The following CELSR1 variants were observed in gnomAD, a reference collection of about 807,000 sequenced individuals.
CELSR1 encodes adhesion G protein-coupled receptor C1.
CELSR1 carries 110 observed loss-of-function variants against 249.1 expected under a neutral mutation model. The observed-to-expected ratio is 0.44, with a 90% CI of 0.38 to 0.52. CELSR1 has a LOEUF of 0.52. Among genes scored for constraint, CELSR1 ranks in the 20% least tolerant of loss-of-function variants. The pLI is 0.00. For missense variants in CELSR1, 4,109 were observed against 4,296.4 expected (o/e 0.96, Z 1.22); for synonymous variants, 2,113 against 1,900.0 (o/e 1.11, Z -2.92).
rs140406516 is a variant in CELSR1, at chr22:46,505,418, G to C, written c.3544+28209C>G. On this transcript the variant is annotated intron_variant, in intron 1 of 34. Coordinates refer to ENST00000674500, the MANE Select transcript of CELSR1 (RefSeq NM_001378328.1). The stretch of plus-strand genomic sequence containing the variant: ...GAAGGCTGAGGTGGGAAAATTGTTT[G>C]AGCCCAGGAGTTTGAAACCAGCCTG... Among the ~76,000 whole-genome samples, 632 of 152,136 alleles carry C rather than the reference G, an allele frequency of 4.2e-3. 7 individuals carry two copies. Among genetic ancestry groups the C allele is most frequent in the African/African-American group, 0.015 (606 of 41,494 alleles).
Position 46,374,662 on chromosome 22 carries a change from A to C in CELSR1, c.7585-1605T>G, listed in dbSNP as rs1353796515. On this transcript the variant is annotated intron_variant, in intron 24 of 34. Transcript: ENST00000674500. The surrounding 1 kb of genome is among the most constrained non-coding windows in gnomAD (Gnocchi z 4.3). ...CCGCCTCAGTTTCGCTGGGGTGTTG[A>C]GTTGCAGGGAGTGGCCTGCACCGAC... Among the ~76,000 whole-genome samples the C allele has an allele frequency of 6.6e-6, 1 of 152,140 alleles. No individual in the cohort carries two copies. Among genetic ancestry groups the C allele is most frequent in the East Asian group, 1.9e-4 (1 of 5,180 alleles).
At chr22:46,439,788 G>A (rs191115720) in intron 2 of CELSR1, among the ~76,000 whole-genome samples, 1 of 152,172 alleles carries the variant, frequency 6.6e-6, no homozygotes, top group Non-Finnish European at 1.5e-5. Flanking sequence ...ACAGACCAGA[G>A]CACCTCAGGC....
chr22:46,451,858 C>T (rs1211243850), intron 2 of CELSR1, among the ~76,000 whole-genome samples: 1 of 152,162 alleles, frequency 6.6e-6, no homozygotes, highest in Non-Finnish European at 1.5e-5. Flanking sequence ...TGAGGCAATC[C>T]GATTAGCAGG....
intron 1 of CELSR1, among the ~76,000 whole-genome samples, chr22:46,532,861 C>A (rs1349048251): frequency 6.6e-6 from 1 of 152,128 alleles, no homozygotes; most frequent in East Asian, 1.9e-4. Flanking sequence ...CACACAGGGT[C>A]AGAGGCATAG....
chr22:46,529,634 C>G (rs2080772456), intron 1 of CELSR1, among the ~76,000 whole-genome samples: 1 of 151,914 alleles, frequency 6.6e-6, no homozygotes, highest in African/African-American at 2.4e-5. Context: ...GAAACCTTGT[C>G]TCTAAGAAAC....
chr22:46,375,468 C>T (rs375332746), intron 24 of CELSR1, among the ~76,000 whole-genome samples: 1 of 152,118 alleles, frequency 6.6e-6, no homozygotes, highest in Admixed American at 6.5e-5. Flanking sequence ...TGGGTCTCCA[C>T]CCCACCTCCC....
At position 46,363,268 on chromosome 22, in the gene CELSR1, G is replaced by A; in HGVS notation, c.9036-21C>T. The A allele has an allele frequency of 6.2e-7, 1 of 1,605,330 alleles. No homozygotes were observed. The highest frequency in any genetic ancestry group is 8.5e-7 in the Non-Finnish European group (1 of 1,173,156). On this transcript the variant is annotated intron_variant, in intron 34 of 34. Coordinates refer to ENST00000674500, the MANE Select transcript of CELSR1 (RefSeq NM_001378328.1). This position sits in a 1 kb window ranked among gnomAD's most constrained non-coding sequence, Gnocchi z 4.3. ...TGCCTCTGCGCGTGGGAAGAAGCCA[G>A]CAAGCAGGTGAAGGGTCAGTGAGGG... is the stretch of plus-strand genomic sequence containing the variant.
rs929843202 is a variant in CELSR1, at chr22:46,412,267, G to C, written c.4612-508C>G. 6.6e-6 allele frequency among the ~76,000 whole-genome samples: 1 copy of C among 152,202 alleles called. No individual in the cohort carries two copies. Among genetic ancestry groups the C allele is most frequent in the African/African-American group, 2.4e-5 (1 of 41,450 alleles). On this transcript the variant is annotated intron_variant, in intron 5 of 34. Transcript: ENST00000674500. The surrounding 1 kb of genome is among the most constrained non-coding windows in gnomAD (Gnocchi z 4.5). The stretch of plus-strand genomic sequence containing the variant: ...CCTTGACTTCTAGGCACCAGACTGA[G>C]AGAGAATCATGTCTGTTGTTTGAGC...
rs1007789923 is a variant in CELSR1 at position 46,362,519 on chromosome 22, C to A, written c.*704G>T. On this transcript the variant is annotated 3_prime_UTR_variant, in exon 35 of 35. Coordinates refer to ENST00000674500, the MANE Select transcript of CELSR1 (RefSeq NM_001378328.1). ...CGCTTGGTTTTAGCCCCACTGCTGACGTATTTCCCACCTTTGATCTGCTGG... is the reference window on the plus strand; with the variant it reads ...CGCTTGGTTTTAGCCCCACTGCTGAAGTATTTCCCACCTTTGATCTGCTGG... 6.6e-6 allele frequency: 1 copy of A among 152,560 alleles called. No individual in the cohort carries two copies. Among genetic ancestry groups the A allele is most frequent in the African/African-American group, 2.4e-5 (1 of 41,466 alleles). 9.5% of individuals were successfully genotyped at this position (152,560 alleles called of 1,614,324 possible).
rs751118400 is a variant in CELSR1, at chr22:46,409,394, C to A, written c.5060-232G>T. Among the ~76,000 whole-genome samples, 21 of 152,186 alleles carry A rather than the reference C, an allele frequency of 1.4e-4. No homozygotes were observed. Among genetic ancestry groups the A allele is most frequent in the Admixed American group, 7.2e-4 (11 of 15,282 alleles). ...CCTCCTTGCTGGGAAGCATGAAGAT[C>A]TGCAGGCTCCCAGCCACAGATGGGC... On this transcript the variant is annotated intron_variant, in intron 8 of 34. Coordinates refer to ENST00000674500, the MANE Select transcript of CELSR1 (RefSeq NM_001378328.1). This position sits in a 1 kb window ranked among gnomAD's most constrained non-coding sequence, Gnocchi z 9.8.
Position 46,473,567 on chromosome 22 carries a change from A to C in CELSR1, c.3545-9222T>G, listed in dbSNP as rs2080177401. ...GGGCTCCTCCACTCTCCCGTCACCA[A>C]CGCCCCTCGAGGCCTGGTTAGGGCA... is the stretch of plus-strand genomic sequence containing the variant. On this transcript the variant is annotated intron_variant, in intron 1 of 34. Coordinates refer to ENST00000674500, the MANE Select transcript of CELSR1 (RefSeq NM_001378328.1). This position sits in a 1 kb window ranked among gnomAD's most constrained non-coding sequence, Gnocchi z 6.6. 6.6e-6 allele frequency among the ~76,000 whole-genome samples: 1 copy of C among 152,106 alleles called. No homozygotes were observed. Among genetic ancestry groups the C allele is most frequent in the South Asian group, 2.1e-4 (1 of 4,826 alleles).
chr22:46,391,865 C>T lies in CELSR1; in HGVS notation c.5965-49G>A. ...TGTGACTTCAGATGCCCGGGAGAGG[C>T]CCTACCTTGCAGCGTGTTTCCCGAG... On this transcript the variant is annotated intron_variant, in intron 14 of 34. Transcript: ENST00000674500. The surrounding 1 kb of genome is among the most constrained non-coding windows in gnomAD (Gnocchi z 4.3). The T allele has an allele frequency of 1.3e-6, 2 of 1,564,518 alleles. No homozygotes were observed. Among genetic ancestry groups the T allele is most frequent in the East Asian group, 2.3e-5 (1 of 43,758 alleles).
At position 46,534,101 on chromosome 22, in the gene CELSR1, T is replaced by C. The variant is rs778497173; in HGVS notation, c.3070A>G (p.Asn1024Asp). ...VGSVVAKIRA[N>D]DPDEGPNAQI... ...GCATTAGGGCCTTCATCAGGGTCGTTAGCACGAATCTTTGCCACCACCGAC... is the reference window on the plus strand; with the variant it reads ...GCATTAGGGCCTTCATCAGGGTCGTCAGCACGAATCTTTGCCACCACCGAC... Residue 1024 changes from asparagine (N) to aspartate (D), a missense_variant, in exon 1 of 35, where the codon AAC becomes GAC. By Grantham distance (23) the Asn-to-Asp change is conservative. Transcript: ENST00000674500. This position sits in a 1 kb window ranked among gnomAD's most constrained non-coding sequence, Gnocchi z 9.7. 5 of 1,613,764 alleles carry C rather than the reference T, an allele frequency of 3.1e-6. No individual in the cohort carries two copies. Among genetic ancestry groups the C allele is most frequent in the Non-Finnish European group, 4.2e-6 (5 of 1,180,036 alleles).
rs1428627122 is a variant in CELSR1, at chr22:46,446,639, G to C, written c.4184-7228C>G. On this transcript the variant is annotated intron_variant, in intron 2 of 34. Coordinates refer to ENST00000674500, the MANE Select transcript of CELSR1 (RefSeq NM_001378328.1). The surrounding 1 kb of genome is among the most constrained non-coding windows in gnomAD (Gnocchi z 5.5). ...GGGGGGGAAAGCTGGGTCCATAGCA[G>C]GTACTGACAGACACTTGTGAAATGA... Among the ~76,000 whole-genome samples the C allele has an allele frequency of 6.6e-6, 1 of 152,132 alleles. No homozygotes were observed. The highest frequency in any genetic ancestry group is 2.4e-5 in the African/African-American group (1 of 41,430).
chr22:46,446,781 G>A lies in CELSR1; in HGVS notation c.4184-7370C>T, dbSNP rs369904740. Among the ~76,000 whole-genome samples the A allele has an allele frequency of 1.3e-5, 2 of 152,290 alleles. No homozygotes were observed. The highest frequency in any genetic ancestry group is 1.9e-4 in the East Asian group (1 of 5,178). Reference sequence around the variant, plus strand: ...TTGATTCAAATAGTGCAGGAAAGGTGTTGATGAAATGAATTAATTTTATAG... The same window carrying A: ...TTGATTCAAATAGTGCAGGAAAGGTATTGATGAAATGAATTAATTTTATAG... On this transcript the variant is annotated intron_variant, in intron 2 of 34. Coordinates refer to ENST00000674500, the MANE Select transcript of CELSR1 (RefSeq NM_001378328.1). The surrounding 1 kb of genome is among the most constrained non-coding windows in gnomAD (Gnocchi z 5.5).
chr22:46,457,162 T>C (rs894072169), intron 2 of CELSR1, among the ~76,000 whole-genome samples: 1 of 152,106 alleles, frequency 6.6e-6, no homozygotes, highest in Non-Finnish European at 1.5e-5. Flanking sequence ...TTGGCCAACA[T>C]GGTAAAACCC....
intron 1 of CELSR1, among the ~76,000 whole-genome samples, chr22:46,501,699 G>T (rs6007921): frequency 0.022 from 3,291 of 152,218 alleles, 110 homozygotes; most frequent in African/African-American, 0.075. Context: ...AATGTTATTT[G>T]TTTTTAAATG....
intron 2 of CELSR1, among the ~76,000 whole-genome samples, chr22:46,457,844 G>A (rs564236446): frequency 1.3e-5 from 2 of 152,302 alleles, no homozygotes; most frequent in East Asian, 1.9e-4. Flanking sequence ...TGGAGGGTCC[G>A]GTTCCTCCTA....
intron 1 of CELSR1, among the ~76,000 whole-genome samples, chr22:46,508,833 T>C (rs1015328642): frequency 7.2e-5 from 11 of 152,198 alleles, no homozygotes; most frequent in Admixed American, 3.9e-4. Flanking sequence ...AGACGTTCCC[T>C]GTGTCTGTGA....
Sources: allele counts gnomAD v4.1 joint callset (sites outside exome capture counted in the v4.1 genomes callset), GRCh38; gene constraint gnomAD v4.1.1; non-coding constraint Gnocchi (gnomAD v3.1); transcripts MANE v1.5; gene names NCBI Gene and HGNC (gene_info 2026-07-23, HGNC 2026-07-21).